Variants in MSRA observed in about 807,000 individuals in gnomAD.
MSRA encodes the protein mitochondrial peptide methionine sulfoxide reductase.
In MSRA, 54 loss-of-function variants were observed where a neutral mutation model predicts 31.3. That is an observed-to-expected ratio of 1.73 (90% CI 1.39 to 2.17). The LOEUF is 2.17. Among genes scored for constraint, MSRA ranks in the 30% most tolerant of loss-of-function variants. The probability of loss-of-function intolerance (pLI) is 0.00; values close to 1 mark genes in which losing one functional copy is unlikely to be tolerated. For missense variants in MSRA, 507 were observed against 300.9 expected (o/e 1.69, Z -5.07); for synonymous variants, 169 against 116.5 (o/e 1.45, Z -2.90).
chr8:10,309,031 A>C (rs1801290588), intron 4 of MSRA, among the ~76,000 whole-genome samples: 1 of 152,172 alleles, frequency 6.6e-6, no homozygotes, highest in Non-Finnish European at 1.5e-5. Flanking sequence ...CTTCTCCTTT[A>C]AGTCTCAGCT....
At chr8:10,246,667 GAATTCTATTTTGAAATA>G (rs926319138) in intron 3 of MSRA, among the ~76,000 whole-genome samples, 5 of 152,090 alleles carry the variant, frequency 3.3e-5, no homozygotes, top group African/African-American at 1.2e-4. Flanking sequence ...GCTACAATAT[GAATTCTATTTTGAAATA>G]AAAATTGAGC....
At chr8:10,063,992 G>C (rs1046249089) in intron 1 of MSRA, among the ~76,000 whole-genome samples, 2 of 152,198 alleles carry the variant, frequency 1.3e-5, no homozygotes, top group African/African-American at 4.8e-5. Context: ...TAGAGTTGGA[G>C]CTGGAACTAG....
intron 1 of MSRA, among the ~76,000 whole-genome samples, chr8:10,138,310 T>C (rs992022212): frequency 2.0e-5 from 3 of 152,148 alleles, no homozygotes; most frequent in Non-Finnish European, 2.9e-5. Context: ...ACAGAAAAGC[T>C]TGAAGATGGG....
At chr8:10,283,834 TATACACACAC>T (rs1374291771) in intron 3 of MSRA, among the ~76,000 whole-genome samples, 11 of 71,074 alleles carry the variant, frequency 1.5e-4, no homozygotes, top group Non-Finnish European at 2.1e-4. Context: ...TATATATATA[TATACACACAC>T]ACACACACAC....
intron 2 of MSRA, among the ~76,000 whole-genome samples, chr8:10,229,724 A>G (rs889265119): frequency 2.1e-4 from 32 of 152,194 alleles, no homozygotes; most frequent in Admixed American, 2.1e-3. Context: ...AGGGTTAGAG[A>G]GTACAGAGAA....
intron 1 of MSRA, among the ~76,000 whole-genome samples, chr8:10,168,377 C>G (rs1805323242): frequency 6.6e-6 from 1 of 152,080 alleles, no homozygotes; most frequent in Non-Finnish European, 1.5e-5. Flanking sequence ...TGCTATCATC[C>G]CTGGCCAACT....
intron 5 of MSRA, among the ~76,000 whole-genome samples, chr8:10,355,261 T>C (rs2129161486): frequency 6.6e-6 from 1 of 152,284 alleles, no homozygotes; most frequent in African/African-American, 2.4e-5. Flanking sequence ...TGTTTCATGT[T>C]TGCAAAGAGA....
rs971884325 is a variant in MSRA at position 10,321,427 on chromosome 8, G to A, written c.543+1438G>A. On this transcript the variant is annotated intron_variant, in intron 5 of 5. Coordinates refer to ENST00000317173, the MANE Select transcript of MSRA (RefSeq NM_012331.5). ...CAAGGTCAGTTCGACTATGATGAGC[G>A]GAGAGGCCTGAGGGAGGCGCTGACA... 5.3e-5 allele frequency among the ~76,000 whole-genome samples: 8 copies of A among 152,066 alleles called. No individual in the cohort carries two copies. The South Asian group carries it at 8.3e-4, about 16-fold the overall frequency.
rs940701738 is a variant in MSRA at position 10,095,127 on chromosome 8, G to A, written c.142+40469G>A. ...TTTCTATTCTCCCATGAGTCTTTGC[G>A]GCAGGACAAGGAAAAGCAAGTCTTA... On this transcript the variant is annotated intron_variant, in intron 1 of 5. Coordinates refer to ENST00000317173, the MANE Select transcript of MSRA (RefSeq NM_012331.5). Among the ~76,000 whole-genome samples the A allele has an allele frequency of 7.2e-5, 11 of 152,214 alleles. No homozygotes were observed. In the South Asian group the frequency reaches 1.0e-3, roughly 14 times the overall value.
chr8:10,316,884 C>G (rs1801758398), intron 4 of MSRA, among the ~76,000 whole-genome samples: 1 of 152,088 alleles, frequency 6.6e-6, no homozygotes, highest in South Asian at 2.1e-4. Flanking sequence ...CACAGAGACC[C>G]TACTTTCCAG....
intron 5 of MSRA, among the ~76,000 whole-genome samples, chr8:10,358,300 A>G (rs931260863): frequency 1.6e-4 from 24 of 152,368 alleles, no homozygotes; most frequent in Middle Eastern, 6.8e-3. Context: ...AATTATTACA[A>G]TAGTCCCAAT....
chr8:10,176,042 A>C (rs1806019657), intron 1 of MSRA, among the ~76,000 whole-genome samples: 1 of 152,220 alleles, frequency 6.6e-6, no homozygotes, highest in Admixed American at 6.5e-5. Flanking sequence ...GCCCAAGTTG[A>C]ATGGTAATTA....
At chr8:10,212,685 C>T (rs545499777) in intron 2 of MSRA, among the ~76,000 whole-genome samples, 17 of 152,218 alleles carry the variant, frequency 1.1e-4, no homozygotes, top group African/African-American at 4.1e-4. Context: ...CTAATACTTT[C>T]CAGGGATGTA....
chr8:10,374,443 A>G (rs945533032), intron 5 of MSRA, among the ~76,000 whole-genome samples: 3 of 152,324 alleles, frequency 2.0e-5, no homozygotes, highest in East Asian at 1.9e-4. Flanking sequence ...GGTACCGTGC[A>G]TATGAGTCCC....
intron 1 of MSRA, among the ~76,000 whole-genome samples, chr8:10,093,176 C>T (rs1452618319): frequency 6.6e-6 from 1 of 152,032 alleles, no homozygotes; most frequent in Non-Finnish European, 1.5e-5. Context: ...GTGTTTAATT[C>T]ATTTAAGTTT....
chr8:10,424,512 G>A (rs867689661), intron 5 of MSRA, among the ~76,000 whole-genome samples: 1 of 149,430 alleles, frequency 6.7e-6, no homozygotes, highest in Non-Finnish European at 1.5e-5. Context: ...TAGGATCGGG[G>A]AGAAGGGCCT....
chr8:10,095,663 G>T (rs1055878482), intron 1 of MSRA: 4 of 1,002,900 alleles, frequency 4.0e-6, no homozygotes, highest in East Asian at 9.9e-5. Flanking sequence ...CTGCTTTCTC[G>T]GCTTGAGCTT....
chr8:10,083,989 CA>C (rs1189915085), intron 1 of MSRA, among the ~76,000 whole-genome samples: 1 of 152,194 alleles, frequency 6.6e-6, no homozygotes. Context: ...AATCCATTTA[CA>C]AATAAAATTG....
chr8:10,116,905 G>A (rs1800728824), intron 1 of MSRA, among the ~76,000 whole-genome samples: 1 of 152,178 alleles, frequency 6.6e-6, no homozygotes. Flanking sequence ...AGTGGAGGTT[G>A]CGGTGAGCCA....
Sources: gnomAD v4.1 joint callset for allele counts (sites outside exome capture counted in the v4.1 genomes callset) on GRCh38, gnomAD v4.1.1 for gene constraint, MANE v1.5 for transcripts, NCBI Gene and HGNC (gene_info 2026-07-23, HGNC 2026-07-21) for gene names.